APOO: variants seen among roughly 807,000 people sequenced by gnomAD.
APOO encodes apolipoprotein O.
Under a neutral mutation model 23.1 loss-of-function variants are expected in APOO, and 11 were observed. That is an observed-to-expected ratio of 0.48 (90% CI 0.30 to 0.79). The LOEUF is 0.79. Among genes scored for constraint, APOO ranks in the 30% least tolerant of loss-of-function variants. APOO has a pLI of 0.07. For synonymous variants in APOO, 59 were observed against 54.8 expected (o/e 1.08, Z -0.34); for missense variants, 160 against 142.7 (o/e 1.12, Z -0.62).
At position 23,852,225 on chromosome X, in the gene APOO, G is replaced by A. The variant is rs751840630; in HGVS notation, c.561+4077C>T. Among the ~76,000 whole-genome samples, 8 of 110,630 alleles carry A rather than the reference G, an allele frequency of 7.2e-5. No individual in the cohort carries two copies. The East Asian group carries it at 2.3e-3, about 32-fold the overall frequency. On this transcript the variant is annotated intron_variant, in intron 7 of 8. Coordinates refer to ENST00000379226, the MANE Select transcript of APOO (RefSeq NM_024122.5). ...AGGCGTGAGCCACCACACCTGGCCA[G>A]CACCCTGTTTTAAACATAGTGTCCA...
intron 1 of APOO, among the ~76,000 whole-genome samples, chrX:23,902,648 C>T (rs923201106): frequency 8.9e-6 from 1 of 111,988 alleles, no homozygotes; most frequent in African/African-American, 3.2e-5. Context: ...CCAATGCCCC[C>T]TAGTGACCTG....
Position 23,891,320 on chromosome X carries a change from G to A in APOO, c.10-10368C>T, listed in dbSNP as rs141109368. ...CGGCTCACTACAATCTCCGCCTCCC[G>A]GGTTCAAGGGATTCTCATGCTTTAG... is the stretch of plus-strand genomic sequence containing the variant. On this transcript the variant is annotated intron_variant, in intron 1 of 8. Transcript: ENST00000379226. Among the ~76,000 whole-genome samples the A allele has an allele frequency of 5.3e-3, 585 of 110,754 alleles. 3 individuals are homozygous for A. Among genetic ancestry groups the A allele is most frequent in the African/African-American group, 0.018 (545 of 30,414 alleles).
At position 23,904,593 on chromosome X, in the gene APOO, G is replaced by A. The variant is rs182314216; in HGVS notation, c.9+3101C>T. On this transcript the variant is annotated intron_variant, in intron 1 of 8. Transcript: ENST00000379226. ...GCGATCTCAGCTCACTGCAACCTCC[G>A]CCTCCCGGGTTCTTGCCATTCTCCT... Among the ~76,000 whole-genome samples, 849 of 95,743 alleles carry A rather than the reference G, an allele frequency of 8.9e-3. 4 individuals are homozygous for A. The highest frequency in any genetic ancestry group is 0.014 in the Non-Finnish European group (677 of 49,374). The allele number at this position is 95,743 out of a possible 115,157, so 83.1% of individuals were successfully genotyped here. A position where few individuals can be genotyped will look rare whatever the true frequency, so the allele number is the denominator to read the frequency against.
At chrX:23,874,870 C>T (rs1340396089) in intron 3 of APOO, among the ~76,000 whole-genome samples, 1 of 112,186 alleles carries the variant, frequency 8.9e-6, no homozygotes, top group Non-Finnish European at 1.9e-5. Flanking sequence ...GGAAACTGCC[C>T]ATTTGAAGCA....
chrX:23,864,272 G>A (rs1352200170), intron 5 of APOO, among the ~76,000 whole-genome samples: 1 of 110,668 alleles, frequency 9.0e-6, no homozygotes, highest in African/African-American at 3.3e-5. Flanking sequence ...TGGGATTACA[G>A]GTGTTAGCCA....
At chrX:23,859,627 G>A (rs1189216786) in intron 5 of APOO, among the ~76,000 whole-genome samples, 1 of 110,944 alleles carries the variant, frequency 9.0e-6, no homozygotes, top group Admixed American at 9.7e-5. Context: ...ATTTTTAGTA[G>A]GCATGGGGTT....
At chrX:23,890,040 G>C (rs1926584323) in intron 1 of APOO, among the ~76,000 whole-genome samples, 1 of 111,342 alleles carries the variant, frequency 9.0e-6, no homozygotes, top group Non-Finnish European at 1.9e-5. Flanking sequence ...AGGGGCCCAA[G>C]AATCTATTCC....
chrX:23,869,820 C>T (rs766097922), intron 4 of APOO, among the ~76,000 whole-genome samples: 2 of 107,438 alleles, frequency 1.9e-5, no homozygotes, highest in South Asian at 8.1e-4. Flanking sequence ...GGCGTGGTGG[C>T]ACGCTCCTGT....
intron 5 of APOO, among the ~76,000 whole-genome samples, chrX:23,861,488 A>G (rs1285148279): frequency 9.5e-6 from 1 of 105,454 alleles, no homozygotes; most frequent in Non-Finnish European, 1.9e-5. Flanking sequence ...TTCTTTATAA[A>G]TTACCCAGTG....
At chrX:23,861,093 C>A (rs899912904) in intron 5 of APOO, among the ~76,000 whole-genome samples, 1 of 111,167 alleles carries the variant, frequency 9.0e-6, no homozygotes, top group Non-Finnish European at 1.9e-5. Context: ...TGAGCTGTGT[C>A]TATGCCACTG....
At chrX:23,893,357 G>A (rs910541558) in intron 1 of APOO, among the ~76,000 whole-genome samples, 8 of 109,186 alleles carry the variant, frequency 7.3e-5, no homozygotes, top group East Asian at 5.8e-4. Context: ...CCTGGGAGGC[G>A]GAGCTTGCAG....
At chrX:23,848,416 G>A (rs1432304428) in intron 7 of APOO, among the ~76,000 whole-genome samples, 5 of 107,727 alleles carry the variant, frequency 4.6e-5, no homozygotes, top group African/African-American at 6.8e-5. Flanking sequence ...CACCCGCCTC[G>A]GCCTGCCAAA....
At chrX:23,865,601 C>CAA (rs60702124) in intron 5 of APOO, among the ~76,000 whole-genome samples, 1 of 91,436 alleles carries the variant, frequency 1.1e-5, no homozygotes, top group Non-Finnish European at 2.2e-5. Flanking sequence ...AAGACTGTCT[C>CAA]AAAAAAAAAA....
intron 1 of APOO, among the ~76,000 whole-genome samples, chrX:23,907,045 T>C (rs1012838865): frequency 8.9e-6 from 1 of 112,620 alleles, no homozygotes; most frequent in Non-Finnish European, 1.9e-5. Context: ...AATTTACTTT[T>C]TAAAAAGTAG....
chrX:23,898,197 C>A (rs897490572), intron 1 of APOO, among the ~76,000 whole-genome samples: 3 of 108,507 alleles, frequency 2.8e-5, no homozygotes, highest in Non-Finnish European at 5.7e-5. Context: ...CTCCTGGGCT[C>A]AAGTGATCCT....
chrX:23,837,377 A>G (rs1923743846), intron 8 of APOO: 2 of 725,757 alleles, frequency 2.8e-6, no homozygotes, highest in Non-Finnish European at 4.1e-6. Flanking sequence ...TAATATAATT[A>G]CAATTATATG....
At chrX:23,898,649 T>C (rs1157481572) in intron 1 of APOO, among the ~76,000 whole-genome samples, 10 of 112,298 alleles carry the variant, frequency 8.9e-5, no homozygotes, top group African/African-American at 2.9e-4. Flanking sequence ...ATGTTTGGAC[T>C]ATACCCAGCA....
chrX:23,900,264 AGTTCACG>A (rs200347752), intron 1 of APOO, among the ~76,000 whole-genome samples: 1 of 112,200 alleles, frequency 8.9e-6, no homozygotes, highest in East Asian at 2.8e-4. Context: ...AGTGCTTTGT[AGTTCACG>A]GTTCTTTTCG....
At chrX:23,853,205 C>T (rs1324112902) in intron 7 of APOO, among the ~76,000 whole-genome samples, 7 of 111,140 alleles carry the variant, frequency 6.3e-5, no homozygotes, top group African/African-American at 2.0e-4. Context: ...TTGCAGTAAG[C>T]CGAGATCGTG....
Sources: gnomAD v4.1 joint callset for allele counts (sites outside exome capture counted in the v4.1 genomes callset) on GRCh38, gnomAD v4.1.1 for gene constraint, MANE v1.5 for transcripts, NCBI Gene and HGNC (gene_info 2026-07-23, HGNC 2026-07-21) for gene names.